ANAPC1: variants seen among roughly 807,000 people sequenced by gnomAD.
ANAPC1 encodes the protein anaphase promoting complex subunit 1.
ANAPC1 carries 36 observed loss-of-function variants against 208.0 expected under a neutral mutation model. The observed-to-expected ratio is 0.17, with a 90% CI of 0.13 to 0.23. The LOEUF (loss-of-function observed/expected upper bound fraction) is 0.23. Among genes scored for constraint, ANAPC1 ranks in the 10% least tolerant of loss-of-function variants. The pLI, the probability that ANAPC1 is intolerant of heterozygous loss-of-function variation, is 1.00. For missense variants in ANAPC1, 942 were observed against 2,011.6 expected, an observed-to-expected ratio of 0.47 and a Z score of 10.17; for synonymous variants, 378 against 695.2, an observed-to-expected ratio of 0.54 and a Z score of 7.18.
chr2:111,877,524 C>T (rs942945634), intron 3 of ANAPC1, among the ~76,000 whole-genome samples: 4 of 152,164 alleles, frequency 2.6e-5, no homozygotes, highest in African/African-American at 9.7e-5. Context: ...CGCCTGTAAT[C>T]CCAGCACTTT....
At chr2:111,833,341 G>A (rs746359691) in intron 19 of ANAPC1, 30 bp from the exon 20 acceptor site, 5 of 1,548,594 alleles carry the variant, frequency 3.2e-6, no homozygotes, top group African/African-American at 1.3e-5. Context: ...TAAAAAAGAA[G>A]GTATTACAGC....
chr2:111,767,277 G>A (rs1365579538), downstream of ANAPC1, among the ~76,000 whole-genome samples: 3 of 151,616 alleles, frequency 2.0e-5, no homozygotes, highest in Admixed American at 1.3e-4. Context: ...AGGAAATGAT[G>A]TGTGCTATTT....
At chr2:111,877,268 A>C (rs2104605638) in intron 3 of ANAPC1, among the ~76,000 whole-genome samples, 1 of 148,660 alleles carries the variant, frequency 6.7e-6, no homozygotes, top group East Asian at 2.0e-4. Flanking sequence ...ACCAGGACTC[A>C]ATCAAAGTTC....
At chr2:111,769,906 TCTC>T (rs1334389989) in intron 47 of ANAPC1, among the ~76,000 whole-genome samples, 8 of 151,258 alleles carry the variant, frequency 5.3e-5, no homozygotes, top group Non-Finnish European at 1.2e-4. Context: ...ATGGTCTCGA[TCTC>T]CTGACCTCGT....
chr2:111,829,944 C>G (rs1023111335), intron 21 of ANAPC1, among the ~76,000 whole-genome samples: 2 of 152,044 alleles, frequency 1.3e-5, no homozygotes, highest in Non-Finnish European at 2.9e-5. Context: ...GGTGTGGGAT[C>G]CTGTAATCCC....
chr2:111,768,491 C>T lies in ANAPC1; in HGVS notation c.*800G>A, dbSNP rs1437406821. The T allele has an allele frequency of 1.3e-5, 2 of 150,950 alleles. No individual in the cohort carries two copies. The highest frequency in any genetic ancestry group is 2.9e-5 in the Non-Finnish European group (2 of 68,008). The allele number at this position is 150,950 out of a possible 1,614,324, so 9.4% of individuals were successfully genotyped here. A position where few individuals can be genotyped will look rare whatever the true frequency, so the allele number is the denominator to read the frequency against. Reference sequence around the variant, plus strand: ...TGGAGGTCCACGATGAAGGTGCTAGCCAAGTCTGTTCCTGATAAGGGCTCT... The same window carrying T: ...TGGAGGTCCACGATGAAGGTGCTAGTCAAGTCTGTTCCTGATAAGGGCTCT... On this transcript the variant is annotated 3_prime_UTR_variant, in exon 48 of 48. Transcript: ENST00000341068.
At chr2:111,874,954 G>A (rs1682944596) in intron 3 of ANAPC1, among the ~76,000 whole-genome samples, 1 of 152,018 alleles carries the variant, frequency 6.6e-6, no homozygotes, top group Admixed American at 6.6e-5. Flanking sequence ...AACAGCTTGG[G>A]AGTACAGGCA....
At chr2:111,778,031 C>G (rs1677080097) in intron 45 of ANAPC1, among the ~76,000 whole-genome samples, 1 of 152,254 alleles carries the variant, frequency 6.6e-6, no homozygotes, top group African/African-American at 2.4e-5. Context: ...GGTTAGAAAA[C>G]TACTGGCTTG....
At chr2:111,782,551 T>G (rs767057549) in intron 42 of ANAPC1, 44 bp from the exon 43 acceptor site, 1 of 1,611,250 alleles carries the variant, frequency 6.2e-7, no homozygotes, top group Admixed American at 1.7e-5. Context: ...TTACTGGCAG[T>G]TCTTGGCTGG....
intron 1 of ANAPC1, among the ~76,000 whole-genome samples, chr2:111,881,845 T>A (rs567218772): frequency 6.6e-6 from 1 of 152,334 alleles, no homozygotes; most frequent in African/African-American, 2.4e-5. Context: ...TATGACTTCA[T>A]CCTTCATTCT....
chr2:111,839,572 A>T (rs1175721745), intron 17 of ANAPC1, among the ~76,000 whole-genome samples: 1 of 152,272 alleles, frequency 6.6e-6, no homozygotes, highest in Non-Finnish European at 1.5e-5. Context: ...AAACATAGGT[A>T]GCAATAAAGT....
At chr2:111,864,086 G>A (rs1682252015) in intron 8 of ANAPC1, among the ~76,000 whole-genome samples, 191 bp from the exon 9 acceptor site, 1 of 152,088 alleles carries the variant, frequency 6.6e-6, no homozygotes, top group African/African-American at 2.4e-5. Context: ...CAGCACTTTG[G>A]GAGGGTGAGG....
chr2:111,807,551 G>A (rs1345564301), intron 29 of ANAPC1, among the ~76,000 whole-genome samples: 1 of 150,912 alleles, frequency 6.6e-6, no homozygotes, highest in South Asian at 2.1e-4. Flanking sequence ...AATTAGCCAG[G>A]CATAGTGGCG....
At chr2:111,864,375 A>ATGATGATG (rs1558734766) in intron 8 of ANAPC1, among the ~76,000 whole-genome samples, 1 of 127,694 alleles carries the variant, frequency 7.8e-6, no homozygotes. Flanking sequence ...TGATGATGAT[A>ATGATGATG]ATAAAACTAT....
In ANAPC1 at chr2:111,838,477, C is replaced by T. The variant is rs13022390; in HGVS notation, c.2076G>A (p.Ala692=). The change falls in exon 18 of 48, where the codon GCG becomes GCA. Residue 692 remains alanine (A), a synonymous_variant. Coordinates refer to ENST00000341068, the MANE Select transcript of ANAPC1 (RefSeq NM_022662.4). ...TCTCGGAAGGCCTTGCTTTTTTGGG[C>T]GCAATGACAGGAGAAAGTGATCCTT... The part of the protein sequence containing the change: ...DFEGSLSPVI[A]PKKARPSETG... 13 of 1,604,948 alleles carry T rather than the reference C, an allele frequency of 8.1e-6. No homozygotes were observed. In the East Asian group the frequency reaches 1.1e-4, roughly 14 times the overall value.
chr2:111,871,507 T>C (rs1226804321), intron 6 of ANAPC1, among the ~76,000 whole-genome samples: 1 of 152,144 alleles, frequency 6.6e-6, no homozygotes, highest in African/African-American at 2.4e-5. Context: ...TCCCAGCACT[T>C]TGGGAGGCCA....
chr2:111,873,932 T>C (rs1454584977), intron 3 of ANAPC1, among the ~76,000 whole-genome samples: 1 of 151,986 alleles, frequency 6.6e-6, no homozygotes, highest in Non-Finnish European at 1.5e-5. Flanking sequence ...AAATAAATTT[T>C]ACAAAAAGAG....
chr2:111,810,309 G>A (rs564328831), intron 28 of ANAPC1, among the ~76,000 whole-genome samples: 2 of 151,414 alleles, frequency 1.3e-5, no homozygotes, highest in Non-Finnish European at 1.5e-5. Context: ...AGGTGGGGGG[G>A]GGTGAGGTAG....
At chr2:111,826,135 G>A (rs1679818500) in intron 21 of ANAPC1, among the ~76,000 whole-genome samples, 1 of 152,120 alleles carries the variant, frequency 6.6e-6, no homozygotes, top group East Asian at 1.9e-4. Context: ...CAATCCTTCT[G>A]CCTCAGCCTC....
Sources: gnomAD v4.1 joint callset for allele counts (sites outside exome capture counted in the v4.1 genomes callset) on GRCh38, gnomAD v4.1.1 for gene constraint, MANE v1.5 for transcripts, NCBI Gene and HGNC (gene_info 2026-07-23, HGNC 2026-07-21) for gene names.